The following CDC42SE2 variants were observed in gnomAD, a reference collection of about 807,000 sequenced individuals.
CDC42SE2 encodes the protein CDC42 small effector 2, also known as CDC42 small effector protein 2.
In CDC42SE2, 3 loss-of-function variants were observed where a neutral mutation model predicts 11.5. The observed-to-expected ratio is 0.26, with a 90% CI of 0.12 to 0.67. The LOEUF is 0.67. Among genes scored for constraint, CDC42SE2 ranks in the 30% least tolerant of loss-of-function variants. The pLI, the probability that CDC42SE2 is intolerant of heterozygous loss-of-function variation, is 0.80. For synonymous variants in CDC42SE2, 33 were observed against 34.8 expected (o/e 0.95, Z 0.18); for missense variants, 82 against 106.8 (o/e 0.77, Z 1.02).
At chr5:131,301,542 G>A (rs1382263817) in intron 1 of CDC42SE2, among the ~76,000 whole-genome samples, 2 of 152,050 alleles carry the variant, frequency 1.3e-5, no homozygotes, top group African/African-American at 4.8e-5. Context: ...GGCAGATCAC[G>A]AGGTCAGGAG....
chr5:131,260,131 AC>A (rs1337174249), upstream of CDC42SE2, among the ~76,000 whole-genome samples: 1 of 152,214 alleles, frequency 6.6e-6, no homozygotes. Context: ...ATTTCTCACA[AC>A]AGACCTCACA....
chr5:131,323,190 CTTTT>C lies in CDC42SE2; in HGVS notation c.-286+7058_-286+7061del, dbSNP rs397884786. ...CACAGGCATGTGCCACCACACCTGGCTTTTTTTTTTTTTTTAGTAGAGACAGTGT... is the reference window on the plus strand; with the variant it reads ...CACAGGCATGTGCCACCACACCTGGCTTTTTTTTTTTAGTAGAGACAGTGT... On this transcript the variant is annotated intron_variant, in intron 2 of 4. Coordinates refer to ENST00000505065, the MANE Select transcript of CDC42SE2 (RefSeq NM_001375635.1). Among the ~76,000 whole-genome samples the C allele has an allele frequency of 5.8e-5, 8 of 137,150 alleles. No homozygotes were observed. The South Asian group carries it at 1.6e-3, about 28-fold the overall frequency. 90.0% of individuals were successfully genotyped at this position (137,150 alleles called of 152,430 possible).
the CDC42SE2 span, among the ~76,000 whole-genome samples, chr5:131,217,393 T>C: frequency 6.6e-6 from 1 of 152,216 alleles, no homozygotes; most frequent in Non-Finnish European, 1.5e-5. Flanking sequence ...GCATTCCAAA[T>C]TTGGCACATA....
intron 1 of CDC42SE2, among the ~76,000 whole-genome samples, chr5:131,279,081 G>A (rs891057508): frequency 6.6e-6 from 1 of 151,870 alleles, no homozygotes; most frequent in Non-Finnish European, 1.5e-5. Flanking sequence ...CACCACACCT[G>A]GTGAATATTG....
At chr5:131,332,363 A>G (rs1561587381) in intron 2 of CDC42SE2, among the ~76,000 whole-genome samples, 2 of 152,210 alleles carry the variant, frequency 1.3e-5, no homozygotes, top group South Asian at 2.1e-4. Flanking sequence ...AATCCAGTCT[A>G]TCATTGTTGG....
intron 1 of CDC42SE2, among the ~76,000 whole-genome samples, chr5:131,295,605 A>G (rs1324029611): frequency 2.0e-5 from 3 of 152,192 alleles, no homozygotes; most frequent in Non-Finnish European, 4.4e-5. Context: ...CTGGAAAAAC[A>G]TAGAATAAAC....
intron 2 of CDC42SE2, among the ~76,000 whole-genome samples, chr5:131,334,573 T>C (rs181741545): frequency 1.5e-3 from 233 of 152,290 alleles, no homozygotes; most frequent in Admixed American, 3.9e-3. Flanking sequence ...TGGTAGAATT[T>C]GGCTGTGAAT....
intron 3 of CDC42SE2, among the ~76,000 whole-genome samples, chr5:131,365,317 A>G (rs1482101624): frequency 2.6e-5 from 4 of 151,944 alleles, no homozygotes; most frequent in African/African-American, 7.3e-5. Context: ...GAAAACATCA[A>G]AGTTACTACT....
upstream of CDC42SE2, among the ~76,000 whole-genome samples, chr5:131,260,231 C>A (rs1024164366): frequency 6.6e-6 from 1 of 152,136 alleles, no homozygotes; most frequent in African/African-American, 2.4e-5. Flanking sequence ...AATTATGCAG[C>A]AGAATTTGGA....
Position 131,391,971 on chromosome 5 carries a change from T to C in CDC42SE2, c.*880T>C, listed in dbSNP as rs551036301. Reference sequence around the variant, plus strand: ...CGTGATTATTCCAGTGAGATGTTACTGTTCTGCTCTGAAGAAGATACTGTC... The same window carrying C: ...CGTGATTATTCCAGTGAGATGTTACCGTTCTGCTCTGAAGAAGATACTGTC... On this transcript the variant is annotated 3_prime_UTR_variant, in exon 5 of 5. Coordinates refer to ENST00000505065, the MANE Select transcript of CDC42SE2 (RefSeq NM_001375635.1). The C allele has an allele frequency of 6.6e-6, 1 of 152,476 alleles. No homozygotes were observed. The highest frequency in any genetic ancestry group is 6.5e-5 in the Admixed American group (1 of 15,300). 9.4% of individuals were successfully genotyped at this position (152,476 alleles called of 1,614,324 possible).
chr5:131,291,211 T>G (rs916232466), intron 1 of CDC42SE2, among the ~76,000 whole-genome samples: 1 of 152,202 alleles, frequency 6.6e-6, no homozygotes, highest in Admixed American at 6.5e-5. Flanking sequence ...TGAATTATTA[T>G]GGTCCATGAA....
At chr5:131,298,048 C>T (rs1757607428) in intron 1 of CDC42SE2, among the ~76,000 whole-genome samples, 1 of 151,582 alleles carries the variant, frequency 6.6e-6, no homozygotes. Context: ...GGAAGTTATG[C>T]TTCCTGTTAG....
chr5:131,224,088 C>T, the CDC42SE2 span, among the ~76,000 whole-genome samples: 2 of 152,272 alleles, frequency 1.3e-5, no homozygotes, highest in South Asian at 2.1e-4. Context: ...TACTGTCTAA[C>T]CTCTCAGTGT....
chr5:131,290,640 T>C (rs1193083443), intron 1 of CDC42SE2, among the ~76,000 whole-genome samples: 1 of 151,726 alleles, frequency 6.6e-6, no homozygotes, highest in Admixed American at 6.6e-5. Context: ...CCAGGCTGGC[T>C]GGTTAATTTT....
intron 1 of CDC42SE2, among the ~76,000 whole-genome samples, chr5:131,281,339 G>A (rs1413509228): frequency 6.6e-6 from 1 of 152,192 alleles, no homozygotes; most frequent in African/African-American, 2.4e-5. Context: ...AAAGAGCAAT[G>A]TAGTTGATGT....
Position 131,321,771 on chromosome 5 carries a change from C to A in CDC42SE2, c.-286+5627C>A, listed in dbSNP as rs190510236. ...ACTGGGTAAAAGGAAAAAAGGGATT[C>A]ACCTAATTTTCATCTTTTTCAATTT... On this transcript the variant is annotated intron_variant, in intron 2 of 4. Transcript: ENST00000505065. 4.6e-5 allele frequency among the ~76,000 whole-genome samples: 7 copies of A among 152,034 alleles called. No individual in the cohort carries two copies. The East Asian group carries it at 9.7e-4, about 21-fold the overall frequency.
At chr5:131,349,887 G>T (rs540747483) in intron 2 of CDC42SE2, among the ~76,000 whole-genome samples, 2 of 152,194 alleles carry the variant, frequency 1.3e-5, no homozygotes, top group South Asian at 4.1e-4. Flanking sequence ...TAGGGTTAAT[G>T]GGTGATTTTC....
intron 1 of CDC42SE2, among the ~76,000 whole-genome samples, chr5:131,315,238 A>G (rs1758017077): frequency 6.6e-6 from 1 of 152,100 alleles, no homozygotes; most frequent in South Asian, 2.1e-4. Flanking sequence ...GATGAACTAT[A>G]TCTTAGGTTA....
the CDC42SE2 span, among the ~76,000 whole-genome samples, chr5:131,220,426 C>G: frequency 6.6e-6 from 1 of 152,070 alleles, no homozygotes; most frequent in Non-Finnish European, 1.5e-5. Flanking sequence ...AGGATGGTCT[C>G]GATCTCCTGA....
Sources: gnomAD v4.1 joint callset for allele counts (sites outside exome capture counted in the v4.1 genomes callset) on GRCh38, gnomAD v4.1.1 for gene constraint, MANE v1.5 for transcripts, NCBI Gene and HGNC (gene_info 2026-07-23, HGNC 2026-07-21) for gene names.